Variants in TRPM2 observed in about 807,000 individuals in gnomAD.
TRPM2 encodes the protein estrogen-responsive element-associated gene 1 protein.
In TRPM2, 161 loss-of-function variants were observed where a neutral mutation model predicts 174.0. The observed-to-expected ratio is 0.93, with a 90% CI of 0.81 to 1.05. TRPM2 has a LOEUF of 1.05. TRPM2 is among the 50% of genes least tolerant of loss of function. The pLI, the probability that TRPM2 is intolerant of heterozygous loss-of-function variation, is 0.00. For missense variants in TRPM2, 2,057 were observed against 2,038.0 expected, an observed-to-expected ratio of 1.01 and a Z score of -0.18; for synonymous variants, 954 against 861.3, an observed-to-expected ratio of 1.11 and a Z score of -1.88.
chr21:44,379,292 G>A (rs1238055812), intron 8 of TRPM2, 95 bp downstream of exon 8: 6 of 1,433,502 alleles, frequency 4.2e-6, no homozygotes, highest in East Asian at 2.3e-5. Flanking sequence ...GGACCGATGC[G>A]GAGAACCCAC....
chr21:44,399,290 G>A lies in TRPM2; in HGVS notation c.2063-6G>A, dbSNP rs372707236. 8.4e-5 allele frequency: 136 copies of A among 1,610,934 alleles called. No individual in the cohort carries two copies. Among genetic ancestry groups the A allele is most frequent in the Non-Finnish European group, 1.1e-4 (129 of 1,178,968 alleles). ...GCTCTGACGGGGCTCTCATATCTCCGCCCAGGGGTCTTCACCGAGTGCTAC... is the reference window on the plus strand; with the variant it reads ...GCTCTGACGGGGCTCTCATATCTCCACCCAGGGGTCTTCACCGAGTGCTAC... On this transcript the variant is annotated splice_region_variant and splice_polypyrimidine_tract_variant and intron_variant, in intron 13 of 31. Coordinates refer to ENST00000397928, the MANE Select transcript of TRPM2 (RefSeq NM_003307.4). This position sits in a 1 kb window ranked among gnomAD's most constrained non-coding sequence, Gnocchi z 4.6.
intron 25 of TRPM2, 38 bp downstream of exon 25, chr21:44,425,865 G>C (rs774679779): frequency 6.7e-7 from 1 of 1,496,732 alleles, no homozygotes; most frequent in African/African-American, 1.4e-5. Context: ...CGGAGTGGCC[G>C]GGCCCCTGGG....
In TRPM2 at chr21:44,441,739, G is replaced by A. The variant is rs2051513581; in HGVS notation, c.4434G>A (p.Val1478=). The change falls in exon 32 of 32, where the codon GTG becomes GTA. Residue 1478 remains valine (V), a synonymous_variant. Coordinates refer to ENST00000397928, the MANE Select transcript of TRPM2 (RefSeq NM_003307.4). The part of the protein sequence containing the change: ...DSGASIRWQV[V]DRRIPLYANH... Reference sequence around the variant, plus strand: ...GGGCCTCCATCCGATGGCAGGTGGTGGACAGGCGCATCCCACTCTATGCGA... The same window carrying A: ...GGGCCTCCATCCGATGGCAGGTGGTAGACAGGCGCATCCCACTCTATGCGA... 1 of 1,612,180 alleles carries A rather than the reference G, an allele frequency of 6.2e-7. No homozygotes were observed. The highest frequency in any genetic ancestry group is 8.5e-7 in the Non-Finnish European group (1 of 1,179,192).
At chr21:44,426,094 A>G (rs1332903906) in intron 25 of TRPM2, among the ~76,000 whole-genome samples, 2 of 152,102 alleles carry the variant, frequency 1.3e-5, no homozygotes, top group Admixed American at 6.5e-5. Flanking sequence ...GGCTCCTCCC[A>G]TGACCATCCC....
intron 27 of TRPM2, among the ~76,000 whole-genome samples, chr21:44,427,837 G>A (rs2050862950): frequency 6.6e-6 from 1 of 152,216 alleles, no homozygotes; most frequent in Non-Finnish European, 1.5e-5. Flanking sequence ...AGGAGGCGAT[G>A]GGGCCTGAGA....
chr21:44,374,362 C>T (rs2048633913), intron 5 of TRPM2, among the ~76,000 whole-genome samples: 1 of 152,146 alleles, frequency 6.6e-6, no homozygotes, highest in Non-Finnish European at 1.5e-5. Context: ...GCACCAGGAA[C>T]TGGTTTCGTG....
At chr21:44,405,405 C>A in intron 17 of TRPM2, 145 bp downstream of exon 17, 1 of 1,244,588 alleles carries the variant, frequency 8.0e-7, no homozygotes, top group Non-Finnish European at 1.1e-6. Context: ...AATGGGTGTC[C>A]AGGCAACAGC....
At chr21:44,431,992 C>T (rs2051042599) in intron 27 of TRPM2, among the ~76,000 whole-genome samples, 1 of 152,194 alleles carries the variant, frequency 6.6e-6, no homozygotes, top group Admixed American at 6.5e-5. Context: ...TAACCTTAAC[C>T]CTAACCCTCT....
At chr21:44,394,380 C>G (rs919780541) in intron 11 of TRPM2, among the ~76,000 whole-genome samples, 2 of 135,274 alleles carry the variant, frequency 1.5e-5, no homozygotes, top group Non-Finnish European at 3.1e-5. Context: ...AGTGTAGTGG[C>G]GCAATCTTGG....
Position 44,376,099 on chromosome 21 carries a change from C to G in TRPM2, c.952+86C>G. 6.7e-7 allele frequency: 1 copy of G among 1,489,814 alleles called. No homozygotes were observed. Among genetic ancestry groups the G allele is most frequent in the Non-Finnish European group, 9.1e-7 (1 of 1,097,994 alleles). 92.3% of individuals were successfully genotyped at this position (1,489,814 alleles called of 1,614,324 possible). ...CAGGTACAGCTGGTCACGACCAGGACGTTCAACAGGCCTGGCGTTTGGCAG... is the reference window on the plus strand; with the variant it reads ...CAGGTACAGCTGGTCACGACCAGGAGGTTCAACAGGCCTGGCGTTTGGCAG... On this transcript the variant is annotated intron_variant, in intron 6 of 31. Coordinates refer to ENST00000397928, the MANE Select transcript of TRPM2 (RefSeq NM_003307.4). This position sits in a 1 kb window ranked among gnomAD's most constrained non-coding sequence, Gnocchi z 4.2.
rs2051403900 is a variant in TRPM2, at chr21:44,439,369, C to T, written c.4269+201C>T. Among the ~76,000 whole-genome samples the T allele has an allele frequency of 6.6e-6, 1 of 152,170 alleles. No individual in the cohort carries two copies. Among genetic ancestry groups the T allele is most frequent in the Non-Finnish European group, 1.5e-5 (1 of 68,014 alleles). On this transcript the variant is annotated intron_variant, in intron 30 of 31. Transcript: ENST00000397928. This position sits in a 1 kb window ranked among gnomAD's most constrained non-coding sequence, Gnocchi z 5.1. ...CGGAAGCATAGCTGTGTGCAGGGCC[C>T]CTCAGACATCTCGCCCTCCCTCTCT...
intron 22 of TRPM2, chr21:44,422,159 C>T (rs1315463735): frequency 8.7e-5 from 112 of 1,287,072 alleles, no homozygotes; most frequent in Non-Finnish European, 1.1e-4. Context: ...GCCTGGTCAC[C>T]GTCCCCTCCT....
At chr21:44,425,557 G>T in intron 24 of TRPM2, 113 bp from the exon 25 acceptor site, 1 of 1,288,954 alleles carries the variant, frequency 7.8e-7, no homozygotes, top group Non-Finnish European at 1.0e-6. Context: ...GGCTCGGGGA[G>T]GTGGAGGAGC....
Position 44,364,302 on chromosome 21 carries a change from G to A in TRPM2, c.423+20G>A, listed in dbSNP as rs771070059. 2 of 1,612,184 alleles carry A rather than the reference G, an allele frequency of 1.2e-6. No homozygotes were observed. Among genetic ancestry groups the A allele is most frequent in the African/African-American group, 1.3e-5 (1 of 75,044 alleles). On this transcript the variant is annotated intron_variant, in intron 3 of 31. Transcript: ENST00000397928. ...AAAAAGGTTGGTTTCCATCACTCTC[G>A]CTCTGAACTGTAGGTGGAGCTGCAT...
chr21:44,411,976 A>T (rs572638483), intron 19 of TRPM2, among the ~76,000 whole-genome samples: 9 of 152,084 alleles, frequency 5.9e-5, no homozygotes, highest in Non-Finnish European at 1.2e-4. Context: ...TCTCTTTTAC[A>T]TGGTGCTGGA....
chr21:44,377,757 G>A lies in TRPM2; in HGVS notation c.998G>A (p.Gly333Asp). The A allele has an allele frequency of 6.2e-7, 1 of 1,614,154 alleles. No individual in the cohort carries two copies. The highest frequency in any genetic ancestry group is 1.1e-5 in the South Asian group (1 of 91,086). Residue 333 changes from glycine to aspartate, a missense_variant, in exon 7 of 32, where the codon GGC (glycine) becomes GAC (aspartate). Physicochemically the swap from Gly to Asp is moderately conservative, Grantham distance 94. Transcript: ENST00000397928. ...ATCGTGTGCGTGGTGCTGGAGGGCG[G>A]CCCGGGCACGTTGCACGTGAGTATG... ...IPIVCVVLEG[G>D]PGTLHTIDNA...
chr21:44,422,395 A>C (rs2050583055), intron 22 of TRPM2: 1 of 1,536,098 alleles, frequency 6.5e-7, no homozygotes, highest in South Asian at 1.2e-5. Flanking sequence ...GCATGTTTGC[A>C]AGGCTGTCTG....
chr21:44,429,476 G>GTTTAGTAGA (rs1298618662), intron 27 of TRPM2, among the ~76,000 whole-genome samples: 2 of 151,362 alleles, frequency 1.3e-5, no homozygotes, highest in African/African-American at 4.8e-5. Flanking sequence ...TAGTAGAGAT[G>GTTTAGTAGA]GGGTTTCACC....
chr21:44,413,227 CTTTTTTT>C (rs958225632), intron 19 of TRPM2, among the ~76,000 whole-genome samples: 15 of 116,274 alleles, frequency 1.3e-4, no homozygotes, highest in African/African-American at 2.3e-4. Context: ...CTTTTCAATT[CTTTTTTT>C]TTTTTTTTTT....
Sources: gnomAD v4.1 joint callset for allele counts (sites outside exome capture counted in the v4.1 genomes callset) on GRCh38, gnomAD v4.1.1 for gene constraint, Gnocchi (gnomAD v3.1) non-coding constraint, MANE v1.5 for transcripts, NCBI Gene and HGNC (gene_info 2026-07-23, HGNC 2026-07-21) for gene names.